SOX6: variants seen among roughly 807,000 people sequenced by gnomAD.
SOX6 encodes transcription factor SOX-6.
SOX6 carries 11 observed loss-of-function variants against 97.8 expected under a neutral mutation model. That is an observed-to-expected ratio of 0.11 (90% CI 0.07 to 0.19). The LOEUF (loss-of-function observed/expected upper bound fraction) is 0.19, where lower values mean the gene tolerates loss of function less well. Among genes scored for constraint, SOX6 ranks in the 10% least tolerant of loss-of-function variants. The probability of loss-of-function intolerance (pLI) is 1.00; values close to 1 mark genes in which losing one functional copy is unlikely to be tolerated. For missense variants in SOX6, 810 were observed against 1,039.5 expected (o/e 0.78, Z 3.04); for synonymous variants, 360 against 371.4 (o/e 0.97, Z 0.35).
At chr11:16,490,440 C>A (rs545297616) in intron 4 of SOX6, among the ~76,000 whole-genome samples, 3 of 151,938 alleles carry the variant, frequency 2.0e-5, no homozygotes, top group African/African-American at 7.2e-5. Flanking sequence ...CCACTTGTTT[C>A]CTGAGATATT....
intron 13 of SOX6, among the ~76,000 whole-genome samples, chr11:15,999,991 A>G (rs1854355166): frequency 6.6e-6 from 1 of 152,182 alleles, no homozygotes; most frequent in Non-Finnish European, 1.5e-5. Context: ...AATACTACAC[A>G]GATTTGATTT....
intron 3 of SOX6, among the ~76,000 whole-genome samples, chr11:16,707,931 A>G (rs1848149965): frequency 6.6e-6 from 1 of 152,262 alleles, no homozygotes; most frequent in Admixed American, 6.5e-5. Context: ...ACAAAAAGAA[A>G]ATAATCAGAG....
chr11:16,233,408 C>A (rs1852918490), intron 4 of SOX6, among the ~76,000 whole-genome samples: 2 of 152,172 alleles, frequency 1.3e-5, no homozygotes, highest in Non-Finnish European at 2.9e-5. Flanking sequence ...AGGTAACTTA[C>A]TATCTGAATG....
chr11:16,338,437 G>A (rs902186610), intron 2 of SOX6, among the ~76,000 whole-genome samples: 3 of 151,734 alleles, frequency 2.0e-5, no homozygotes, highest in African/African-American at 7.3e-5. Context: ...TTTTTTTCCT[G>A]TAAGTGTTAT....
intron 1 of SOX6, among the ~76,000 whole-genome samples, chr11:16,442,911 T>G (rs975563382): frequency 6.6e-6 from 1 of 152,182 alleles, no homozygotes; most frequent in Non-Finnish European, 1.5e-5. Context: ...ATTAAATATT[T>G]TCCAGGTTCA....
chr11:16,367,205 A>G (rs1395014201), intron 1 of SOX6, among the ~76,000 whole-genome samples: 1 of 152,176 alleles, frequency 6.6e-6, no homozygotes, highest in African/African-American at 2.4e-5. Flanking sequence ...TGTTTCTGAA[A>G]CAGAAGTGAA....
chr11:16,212,481 CG>C (rs1852259339), intron 4 of SOX6, among the ~76,000 whole-genome samples: 1 of 151,758 alleles, frequency 6.6e-6, no homozygotes, highest in African/African-American at 2.4e-5. Flanking sequence ...TAAATTCACA[CG>C]TTGATATGCA....
chr11:16,489,536 T>C (rs1220754148), intron 4 of SOX6, among the ~76,000 whole-genome samples: 2 of 152,152 alleles, frequency 1.3e-5, no homozygotes, highest in African/African-American at 2.4e-5. Flanking sequence ...GTTATCTAAC[T>C]ATCTTTAAAT....
chr11:16,657,956 G>A (rs1043828259), intron 3 of SOX6, among the ~76,000 whole-genome samples: 1 of 152,086 alleles, frequency 6.6e-6, no homozygotes, highest in African/African-American at 2.4e-5. Context: ...CATTTTCTCT[G>A]CTATACTATA....
upstream of SOX6, among the ~76,000 whole-genome samples, chr11:16,480,826 C>A (rs567974801): frequency 1.3e-5 from 2 of 152,168 alleles, no homozygotes; most frequent in African/African-American, 4.8e-5. Flanking sequence ...TAAATCATAG[C>A]ACTGCATGAT....
intron 3 of SOX6, among the ~76,000 whole-genome samples, chr11:16,626,968 A>G (rs1848631745): frequency 6.6e-6 from 1 of 151,562 alleles, no homozygotes; most frequent in Non-Finnish European, 1.5e-5. Flanking sequence ...ACCCATTCCC[A>G]CCTCCCTCCC....
chr11:16,734,813 G>C (rs1247176383), intron 2 of SOX6, among the ~76,000 whole-genome samples: 1 of 152,168 alleles, frequency 6.6e-6, no homozygotes, highest in Non-Finnish European at 1.5e-5. Flanking sequence ...CCCAAAAGCA[G>C]CTGAGAGTCT....
At chr11:16,374,016 G>T (rs1036133939) in intron 1 of SOX6, among the ~76,000 whole-genome samples, 1 of 151,996 alleles carries the variant, frequency 6.6e-6, no homozygotes, top group Non-Finnish European at 1.5e-5. Context: ...ACTCAAGGCT[G>T]TACATCATTG....
At chr11:16,323,131 G>A (rs919403685) in intron 2 of SOX6, among the ~76,000 whole-genome samples, 3 of 151,894 alleles carry the variant, frequency 2.0e-5, no homozygotes, top group African/African-American at 7.3e-5. Context: ...AAGTATCCTA[G>A]TCCCAAATAA....
At chr11:16,400,069 T>C (rs1241842098) in intron 1 of SOX6, among the ~76,000 whole-genome samples, 1 of 151,470 alleles carries the variant, frequency 6.6e-6, no homozygotes, top group African/African-American at 2.4e-5. Context: ...CAATAAACCA[T>C]TCAATAAATA....
chr11:16,362,722 C>A (rs1418379683), intron 1 of SOX6, among the ~76,000 whole-genome samples: 1 of 152,054 alleles, frequency 6.6e-6, no homozygotes, highest in African/African-American at 2.4e-5. Flanking sequence ...GAATTCCGTG[C>A]CACAGAGTAA....
intron 12 of SOX6, among the ~76,000 whole-genome samples, chr11:16,037,733 C>A (rs1238052500): frequency 6.6e-6 from 1 of 152,206 alleles, no homozygotes; most frequent in Non-Finnish European, 1.5e-5. Flanking sequence ...CACTCTTGCA[C>A]ATCTCTCTAA....
intron 9 of SOX6, among the ~76,000 whole-genome samples, chr11:16,068,704 T>G (rs1429645757): frequency 6.6e-6 from 1 of 152,188 alleles, no homozygotes; most frequent in African/African-American, 2.4e-5. Context: ...TTTTCCTTTC[T>G]TATTAAAACT....
At chr11:16,431,441 T>C (rs1463800952) in intron 1 of SOX6, among the ~76,000 whole-genome samples, 1 of 152,126 alleles carries the variant, frequency 6.6e-6, no homozygotes, top group Non-Finnish European at 1.5e-5. Context: ...ATAAACAATT[T>C]ATACAGCTGA....
Sources: allele counts gnomAD v4.1 joint callset (sites outside exome capture counted in the v4.1 genomes callset), GRCh38; gene constraint gnomAD v4.1.1; transcripts MANE v1.5; gene names NCBI Gene and HGNC (gene_info 2026-07-23, HGNC 2026-07-21).